The following SLC35F3 variants were observed in gnomAD, a reference collection of about 807,000 sequenced individuals.
SLC35F3 encodes solute carrier family 35 member F3, also known as putative thiamine transporter SLC35F3.
In SLC35F3, 25 loss-of-function variants were observed where a neutral mutation model predicts 49.9. The observed-to-expected ratio is 0.50, with a 90% CI of 0.37 to 0.70. The LOEUF (loss-of-function observed/expected upper bound fraction) is 0.70, where lower values mean the gene tolerates loss of function less well. Ranked by LOEUF, SLC35F3 falls within the 30% of genes least tolerant of loss-of-function variation. The probability of loss-of-function intolerance (pLI) is 0.00; values close to 1 mark genes in which losing one functional copy is unlikely to be tolerated. For synonymous variants in SLC35F3, 275 were observed against 265.4 expected (o/e 1.04, Z -0.35); for missense variants, 525 against 639.8 (o/e 0.82, Z 1.94).
intron 3 of SLC35F3, among the ~76,000 whole-genome samples, chr1:234,239,479 G>C (rs1667521059): frequency 6.6e-6 from 1 of 152,164 alleles, no homozygotes; most frequent in South Asian, 2.1e-4. Context: ...ACCACATTTA[G>C]CAAAGGATCA....
intron 3 of SLC35F3, among the ~76,000 whole-genome samples, chr1:234,273,848 A>G (rs1260437596): frequency 6.6e-6 from 1 of 152,184 alleles, no homozygotes; most frequent in Non-Finnish European, 1.5e-5. Flanking sequence ...AGGGTGCCAC[A>G]ATCCAGCTCC....
intron 2 of SLC35F3, among the ~76,000 whole-genome samples, chr1:234,055,744 A>G (rs185962664): frequency 2.0e-5 from 3 of 152,270 alleles, no homozygotes; most frequent in African/African-American, 7.2e-5. Flanking sequence ...TCACACTGGG[A>G]GCTGTAGACT....
At chr1:234,246,922 A>G (rs752506898) in intron 3 of SLC35F3, among the ~76,000 whole-genome samples, 3 of 152,222 alleles carry the variant, frequency 2.0e-5, no homozygotes, top group Non-Finnish European at 2.9e-5. Flanking sequence ...GGGTAAGGCC[A>G]GACCATGGTG....
At chr1:233,953,744 A>G (rs1431387509) in intron 2 of SLC35F3, among the ~76,000 whole-genome samples, 1 of 152,218 alleles carries the variant, frequency 6.6e-6, no homozygotes, top group Non-Finnish European at 1.5e-5. Context: ...AGAGAAAATC[A>G]GTGACTAAGG....
chr1:234,003,589 G>A (rs949591035), intron 2 of SLC35F3, among the ~76,000 whole-genome samples: 16 of 151,984 alleles, frequency 1.1e-4, no homozygotes, highest in Non-Finnish European at 7.4e-5. Flanking sequence ...TTACAGGAGG[G>A]ACAGCTTCTT....
At chr1:233,997,899 C>T (rs1225932877) in intron 2 of SLC35F3, among the ~76,000 whole-genome samples, 1 of 151,950 alleles carries the variant, frequency 6.6e-6, no homozygotes, top group African/African-American at 2.4e-5. Context: ...TTACAGGCAC[C>T]CACCACCATG....
intron 3 of SLC35F3, among the ~76,000 whole-genome samples, chr1:234,282,674 C>T (rs2102981656): frequency 6.6e-6 from 1 of 152,336 alleles, no homozygotes; most frequent in South Asian, 2.1e-4. Context: ...TTTTGATGTT[C>T]TCTTTGCACT....
intron 2 of SLC35F3, among the ~76,000 whole-genome samples, chr1:234,053,657 G>A (rs548063358): frequency 6.6e-6 from 1 of 152,124 alleles, no homozygotes; most frequent in Non-Finnish European, 1.5e-5. Context: ...GGTTAATATT[G>A]TTATGTGTGA....
chr1:234,020,900 T>C (rs1027640686), intron 2 of SLC35F3, among the ~76,000 whole-genome samples: 2 of 152,200 alleles, frequency 1.3e-5, no homozygotes, highest in Non-Finnish European at 2.9e-5. Context: ...ATTTAGCAAA[T>C]GGTCCAGAGC....
In SLC35F3 at chr1:234,282,792, C is replaced by A. The variant is rs370823972; in HGVS notation, c.609-26309C>A. On this transcript the variant is annotated intron_variant, in intron 3 of 7. Transcript: ENST00000366618. The stretch of plus-strand genomic sequence containing the variant: ...GGCATTGGCATGGGTTGTTCTTGTA[C>A]GCACATTGTGTTAACGGTTGCAGTG... Among the ~76,000 whole-genome samples, 4 of 152,326 alleles carry A rather than the reference C, an allele frequency of 2.6e-5. No homozygotes were observed. The East Asian group carries it at 5.8e-4, about 22-fold the overall frequency.
In SLC35F3 at chr1:234,214,945, C is replaced by G. The variant is rs1667099426; in HGVS notation, c.284-16472C>G. ...CCAGCCGCTCCCAGTGTCCCCTTACCACACACACACTTGAGTTGCCTGGGT... is the reference window on the plus strand; with the variant it reads ...CCAGCCGCTCCCAGTGTCCCCTTACGACACACACACTTGAGTTGCCTGGGT... On this transcript the variant is annotated intron_variant, in intron 2 of 7. Transcript: ENST00000366618. This position sits in a 1 kb window ranked among gnomAD's most constrained non-coding sequence, Gnocchi z 8.0. 1 of 202,062 alleles carries G rather than the reference C, an allele frequency of 4.9e-6. No homozygotes were observed. The highest frequency in any genetic ancestry group is 1.2e-4 in the East Asian group (1 of 8,054). The allele number at this position is 202,062 out of a possible 1,614,324, so 12.5% of individuals were successfully genotyped here. A position where few individuals can be genotyped will look rare whatever the true frequency, so the allele number is the denominator to read the frequency against.
intron 2 of SLC35F3, among the ~76,000 whole-genome samples, chr1:233,941,719 C>CAA (rs143912246): frequency 2.6e-5 from 4 of 151,820 alleles, no homozygotes; most frequent in Non-Finnish European, 4.4e-5. Context: ...TATATTGCAC[C>CAA]AAAAAAATAG....
chr1:234,058,430 G>A lies in SLC35F3; in HGVS notation c.283+152672G>A, dbSNP rs184915105. Among the ~76,000 whole-genome samples the A allele has an allele frequency of 1.0e-4, 14 of 134,878 alleles. No homozygotes were observed. In the East Asian group the frequency reaches 1.5e-3, roughly 14 times the overall value. 88.5% of individuals were successfully genotyped at this position (134,878 alleles called of 152,430 possible). On this transcript the variant is annotated intron_variant, in intron 2 of 7. Coordinates refer to ENST00000366618, the MANE Select transcript of SLC35F3 (RefSeq NM_173508.4). Reference sequence around the variant, plus strand: ...CATGAGCATGATTCACTGTAGCCTCGACCTTCCAGGAACAAGCAGGCCTCC... The same window carrying A: ...CATGAGCATGATTCACTGTAGCCTCAACCTTCCAGGAACAAGCAGGCCTCC...
chr1:234,031,456 T>C (rs12079513), intron 2 of SLC35F3, among the ~76,000 whole-genome samples: 37,795 of 152,164 alleles, frequency 0.25, 9,661 homozygotes, highest in African/African-American at 0.65. Context: ...TCACAGCTAC[T>C]AGCTGCCATA....
At chr1:234,189,950 T>G (rs532122494) in intron 2 of SLC35F3, among the ~76,000 whole-genome samples, 1 of 152,268 alleles carries the variant, frequency 6.6e-6, no homozygotes, top group East Asian at 1.9e-4. Context: ...AGCCAAGAAT[T>G]TTGTACCCAG....
chr1:234,103,283 G>A (rs986330087), intron 2 of SLC35F3, among the ~76,000 whole-genome samples: 8 of 151,780 alleles, frequency 5.3e-5, no homozygotes, highest in Middle Eastern at 3.4e-3. Flanking sequence ...ATGTTGCCTT[G>A]GCAATTTCAT....
chr1:234,285,399 A>G (rs1668403540), intron 3 of SLC35F3: 2 of 464,798 alleles, frequency 4.3e-6, no homozygotes, highest in South Asian at 3.1e-5. Context: ...AGATGAATTA[A>G]TCCTTGAAGA....
At chr1:234,155,957 T>C (rs1189809615) in intron 2 of SLC35F3, among the ~76,000 whole-genome samples, 1 of 152,096 alleles carries the variant, frequency 6.6e-6, no homozygotes, top group Non-Finnish European at 1.5e-5. Context: ...CTGATAAATA[T>C]ATCTGTCTAA....
intron 2 of SLC35F3, among the ~76,000 whole-genome samples, chr1:234,140,002 A>AATAAAATAAAATAAAAAAAAAAAT: frequency 9.5e-6 from 1 of 105,366 alleles, no homozygotes; most frequent in Non-Finnish European, 2.4e-5. Flanking sequence ...AATAAAATAA[A>AATAAAATAAAATAAAAAAAAAAAT]GTAAGTGACT....
Sources: gnomAD v4.1 joint callset for allele counts (sites outside exome capture counted in the v4.1 genomes callset) on GRCh38, gnomAD v4.1.1 for gene constraint, Gnocchi (gnomAD v3.1) non-coding constraint, MANE v1.5 for transcripts, NCBI Gene and HGNC (gene_info 2026-07-23, HGNC 2026-07-21) for gene names.